The following SPATS2 variants were observed in gnomAD, a reference collection of about 807,000 sequenced individuals.
SPATS2 encodes the protein spermatogenesis-associated serine-rich protein 2.
In SPATS2, 38 loss-of-function variants were observed where a neutral mutation model predicts 63.7. The ratio of observed to expected loss-of-function variants is 0.60; its 90% CI spans 0.46 to 0.78. SPATS2 has a LOEUF of 0.78. Ranked by LOEUF, SPATS2 falls within the 30% of genes least tolerant of loss-of-function variation. The probability of loss-of-function intolerance (pLI) is 0.00; values close to 1 mark genes in which losing one functional copy is unlikely to be tolerated. For synonymous variants in SPATS2, 207 were observed against 232.9 expected (o/e 0.89, Z 1.01); for missense variants, 588 against 666.2 (o/e 0.88, Z 1.29).
rs372066144 is a variant in SPATS2 at position 49,526,271 on chromosome 12, GC to G, written c.*18del. 8.7e-4 allele frequency: 1,382 copies of G among 1,591,620 alleles called. 29 individuals are homozygous for G. The South Asian group carries it at 0.014, about 16-fold the overall frequency. On this transcript the variant is annotated 3_prime_UTR_variant, in exon 14 of 14. Coordinates refer to ENST00000552918, the MANE Select transcript of SPATS2 (RefSeq NM_023071.4). ...GAACTCTTGAGAGAAAATCCAGTTG[GC>G]CTCTCTCCTCTATCCACACAATTCA...
At position 49,418,179 on chromosome 12, in the gene SPATS2, A is replaced by G. The variant is rs376257479; in HGVS notation, c.-243-42591A>G. On this transcript the variant is annotated intron_variant, in intron 2 of 13. Coordinates refer to ENST00000552918, the MANE Select transcript of SPATS2 (RefSeq NM_023071.4). ...GCATAGGCCAGAGTGCAGTGGTGCA[A>G]TCATGGCTCACTGCAGCCTCAACTT... Among the ~76,000 whole-genome samples, 30 of 141,496 alleles carry G rather than the reference A, an allele frequency of 2.1e-4. 1 individual carries two copies. The East Asian group carries it at 4.1e-3, about 20-fold the overall frequency. 92.8% of individuals were successfully genotyped at this position (141,496 alleles called of 152,430 possible).
chr12:49,441,937 G>A (rs1399045910), intron 2 of SPATS2: 1 of 152,110 alleles, frequency 6.6e-6, no homozygotes, highest in East Asian at 1.9e-4. Flanking sequence ...AGATGTTACA[G>A]AGCGCACACA....
chr12:49,489,608 T>G, intron 5 of SPATS2, 35 bp downstream of exon 5: 1 of 1,560,730 alleles, frequency 6.4e-7, no homozygotes, highest in Non-Finnish European at 8.8e-7. Context: ...TAAATTTATA[T>G]TTGCTCAAAT....
At chr12:49,508,691 T>G (rs1946693905) in intron 9 of SPATS2, among the ~76,000 whole-genome samples, 1 of 151,868 alleles carries the variant, frequency 6.6e-6, no homozygotes, top group Non-Finnish European at 1.5e-5. Context: ...TGCCTCGACT[T>G]CCCCAAGTGC....
At chr12:49,418,107 A>ATTTT (rs1944919509) in intron 2 of SPATS2, among the ~76,000 whole-genome samples, 1 of 94,784 alleles carries the variant, frequency 1.1e-5, no homozygotes, top group African/African-American at 5.6e-5. Flanking sequence ...TAAATGACTC[A>ATTTT]GTTTTTTTTT....
At chr12:49,484,810 G>T in intron 4 of SPATS2, 141 bp downstream of exon 4, 1 of 669,632 alleles carries the variant, frequency 1.5e-6, no homozygotes. Flanking sequence ...GAGAGTGACG[G>T]CCATAAATAG....
intron 1 of SPATS2, among the ~76,000 whole-genome samples, chr12:49,367,945 T>C (rs1378613531): frequency 6.6e-6 from 1 of 152,002 alleles, no homozygotes; most frequent in African/African-American, 2.4e-5. Flanking sequence ...GTACAATGAA[T>C]TAGGAATGCA....
chr12:49,385,502 C>T (rs1454177213), intron 2 of SPATS2, among the ~76,000 whole-genome samples: 1 of 151,934 alleles, frequency 6.6e-6, no homozygotes, highest in Non-Finnish European at 1.5e-5. Context: ...TCCTTTTCTT[C>T]CTTATAATTC....
At chr12:49,368,024 T>C (rs1012866754) in intron 1 of SPATS2, among the ~76,000 whole-genome samples, 9 of 152,080 alleles carry the variant, frequency 5.9e-5, no homozygotes, top group African/African-American at 2.2e-4. Context: ...TAATGAGATT[T>C]GAAAATAAGG....
chr12:49,405,272 C>G (rs1432624150), intron 2 of SPATS2, among the ~76,000 whole-genome samples: 1 of 151,876 alleles, frequency 6.6e-6, no homozygotes, highest in Non-Finnish European at 1.5e-5. Flanking sequence ...GGTAACATGC[C>G]TAAAATTACA....
At chr12:49,421,138 G>T (rs1407519677) in intron 2 of SPATS2, among the ~76,000 whole-genome samples, 1 of 152,082 alleles carries the variant, frequency 6.6e-6, no homozygotes, top group Non-Finnish European at 1.5e-5. Context: ...TCTTTGCATT[G>T]GCCGGGTGCG....
intron 2 of SPATS2, among the ~76,000 whole-genome samples, chr12:49,403,589 C>T (rs905103386): frequency 8.5e-5 from 12 of 140,838 alleles, no homozygotes; most frequent in African/African-American, 3.2e-4. Context: ...GATCATGCCA[C>T]TGTCTACACA....
intron 2 of SPATS2, among the ~76,000 whole-genome samples, chr12:49,432,924 C>T (rs1401190336): frequency 1.3e-5 from 2 of 152,166 alleles, no homozygotes; most frequent in Non-Finnish European, 2.9e-5. Context: ...GTTTTGAATA[C>T]GTATCCAGAG....
chr12:49,401,236 C>T (rs1355206892), intron 2 of SPATS2, among the ~76,000 whole-genome samples: 1 of 152,124 alleles, frequency 6.6e-6, no homozygotes, highest in Admixed American at 6.6e-5. Flanking sequence ...GTCTCAAACT[C>T]CTGGGCTCAT....
chr12:49,424,528 TTAG>T (rs1945038919), intron 2 of SPATS2, among the ~76,000 whole-genome samples: 1 of 152,234 alleles, frequency 6.6e-6, no homozygotes, highest in Non-Finnish European at 1.5e-5. Context: ...GTAGATTGTA[TTAG>T]TTTGCCAAAA....
intron 3 of SPATS2, chr12:49,462,718 G>A (rs1342342519): frequency 2.0e-6 from 1 of 494,790 alleles, no homozygotes; most frequent in African/African-American, 2.0e-5. Flanking sequence ...GGTGCGGGTA[G>A]ATAATCTTTC....
At chr12:49,483,189 A>G (rs1484924524) in intron 3 of SPATS2, among the ~76,000 whole-genome samples, 2 of 149,834 alleles carry the variant, frequency 1.3e-5, no homozygotes, top group Non-Finnish European at 3.0e-5. Flanking sequence ...AGAACCCAAA[A>G]TGCTGTTTTG....
At chr12:49,372,754 A>G (rs1394468416) in intron 2 of SPATS2, among the ~76,000 whole-genome samples, 3 of 152,154 alleles carry the variant, frequency 2.0e-5, no homozygotes, top group Non-Finnish European at 4.4e-5. Context: ...TATGCTTTAA[A>G]TATTTCGAGC....
At chr12:49,392,730 A>G (rs548317085) in intron 2 of SPATS2, among the ~76,000 whole-genome samples, 3 of 152,100 alleles carry the variant, frequency 2.0e-5, no homozygotes, top group Admixed American at 6.6e-5. Context: ...ACAAACAAAC[A>G]AAAAGAAATA....
Sources: gnomAD v4.1 joint callset for allele counts (sites outside exome capture counted in the v4.1 genomes callset) on GRCh38, gnomAD v4.1.1 for gene constraint, MANE v1.5 for transcripts, NCBI Gene and HGNC (gene_info 2026-07-23, HGNC 2026-07-21) for gene names.